The following CACNA2D4 variants were observed in gnomAD, a reference collection of about 807,000 sequenced individuals.
CACNA2D4 encodes the protein calcium voltage-gated channel auxiliary subunit alpha2delta 4, also known as voltage-dependent calcium channel subunit alpha-2/delta-4.
Under a neutral mutation model 163.8 loss-of-function variants are expected in CACNA2D4, and 157 were observed. The observed-to-expected ratio is 0.96, with a 90% CI of 0.84 to 1.09. The LOEUF (loss-of-function observed/expected upper bound fraction) is 1.09. Among genes scored for constraint, CACNA2D4 ranks in the 50% least tolerant of loss-of-function variants. The pLI is 0.00. For missense variants in CACNA2D4, 1,410 were observed against 1,479.9 expected (o/e 0.95, Z 0.78); for synonymous variants, 598 against 586.9 (o/e 1.02, Z -0.27).
intron 1 of CACNA2D4, among the ~76,000 whole-genome samples, chr12:1,915,546 G>T (rs1411349623): frequency 6.6e-6 from 1 of 152,210 alleles, no homozygotes; most frequent in Non-Finnish European, 1.5e-5. Context: ...GGGGGCTGCC[G>T]AACCCTCTGT....
rs550500242 is a variant in CACNA2D4, at chr12:1,862,705, G to A, written c.1879-2499C>T. Among the ~76,000 whole-genome samples, 10 of 152,310 alleles carry A rather than the reference G, an allele frequency of 6.6e-5. No homozygotes were observed. In the East Asian group the frequency reaches 1.9e-3, roughly 29 times the overall value. Reference sequence around the variant, plus strand: ...TGGGATTAGAGGGATGAGCCACCGTGCCCGGCTAAGTCTTGTAGTTTTGAT... The same window carrying A: ...TGGGATTAGAGGGATGAGCCACCGTACCCGGCTAAGTCTTGTAGTTTTGAT... On this transcript the variant is annotated intron_variant, in intron 18 of 37. Transcript: ENST00000382722.
chr12:1,917,010 A>G lies in CACNA2D4; in HGVS notation c.227+1237T>C, dbSNP rs1420602677. ...CCACTCCTGGAGTTGGCCCTCTCCT[A>G]TCAGCTGGTGTGTGTTCTGGGGATG... On this transcript the variant is annotated intron_variant, in intron 1 of 37. Coordinates refer to ENST00000382722, the MANE Select transcript of CACNA2D4 (RefSeq NM_172364.5). This position sits in a 1 kb window ranked among gnomAD's most constrained non-coding sequence, Gnocchi z 4.3. Among the ~76,000 whole-genome samples the G allele has an allele frequency of 6.6e-6, 1 of 152,168 alleles. No individual in the cohort carries two copies. The highest frequency in any genetic ancestry group is 1.5e-5 in the Non-Finnish European group (1 of 68,020).
intron 6 of CACNA2D4, among the ~76,000 whole-genome samples, chr12:1,898,123 T>C (rs1866447627): frequency 6.6e-6 from 1 of 152,190 alleles, no homozygotes; most frequent in South Asian, 2.1e-4. Context: ...ATAACTGAAA[T>C]ATGGAAGAAA....
chr12:1,804,473 C>G (rs989177834), intron 29 of CACNA2D4, among the ~76,000 whole-genome samples: 1 of 152,174 alleles, frequency 6.6e-6, no homozygotes, highest in African/African-American at 2.4e-5. Flanking sequence ...TCCCTGAGAG[C>G]AAGGATGTGT....
At chr12:1,861,722 C>T (rs1022407234) in intron 18 of CACNA2D4, among the ~76,000 whole-genome samples, 4 of 151,932 alleles carry the variant, frequency 2.6e-5, no homozygotes, top group Admixed American at 1.3e-4. Flanking sequence ...GGATTACAGG[C>T]GTGAGCCACC....
At chr12:1,805,843 C>T (rs1435758884) in intron 29 of CACNA2D4, among the ~76,000 whole-genome samples, 4 of 152,264 alleles carry the variant, frequency 2.6e-5, no homozygotes, top group African/African-American at 4.8e-5. Context: ...GATGGCAACA[C>T]GTGCCAGGCT....
Position 1,908,019 on chromosome 12 carries a change from C to T in CACNA2D4, c.505G>A (p.Val169Ile), listed in dbSNP as rs1426861326. 1 of 1,613,468 alleles carries T rather than the reference C, an allele frequency of 6.2e-7. No homozygotes were observed. The highest frequency in any genetic ancestry group is 8.5e-7 in the Non-Finnish European group (1 of 1,179,624). ...TTCTCGTCCCTCTCGTTGATCAGGA[C>T]CGAGTTGTAATAGTCGAACTGGGGT... ...ESLVFDYYNS[V>I]LINERDEKGN... The change falls in exon 5 of 38, where the codon GTC (valine) becomes ATC (isoleucine). Residue 169 changes from valine (V) to isoleucine (I), a missense_variant. Coordinates refer to ENST00000382722, the MANE Select transcript of CACNA2D4 (RefSeq NM_172364.5).
At chr12:1,860,917 G>A (rs770786948) in intron 18 of CACNA2D4, among the ~76,000 whole-genome samples, 1 of 152,188 alleles carries the variant, frequency 6.6e-6, no homozygotes, top group East Asian at 1.9e-4. Flanking sequence ...AGCCACTTTC[G>A]ACCTGTGTGC....
intron 13 of CACNA2D4, among the ~76,000 whole-genome samples, chr12:1,880,353 C>A (rs1207322237): frequency 6.6e-6 from 1 of 152,256 alleles, no homozygotes; most frequent in Non-Finnish European, 1.5e-5. Context: ...CAAGCACACC[C>A]CGAGGCACTG....
At chr12:1,910,030 T>G in intron 3 of CACNA2D4, 65 bp from the exon 4 acceptor site, 4 of 1,367,436 alleles carry the variant, frequency 2.9e-6, no homozygotes, top group Non-Finnish European at 4.2e-6. Flanking sequence ...TTTCAGCAAG[T>G]GAAACAGTTG....
chr12:1,830,976 C>T, intron 26 of CACNA2D4: 1 of 1,613,330 alleles, frequency 6.2e-7, no homozygotes, highest in South Asian at 1.1e-5. Context: ...GGAGGCCCTC[C>T]CCACCTGCCC....
intron 26 of CACNA2D4, among the ~76,000 whole-genome samples, chr12:1,815,330 C>T (rs1412158300): frequency 6.9e-6 from 1 of 144,334 alleles, no homozygotes. Flanking sequence ...ACCAGCTGTT[C>T]TCTCCTCCTG....
rs1266157325 is a variant in CACNA2D4, at chr12:1,875,663, C to T, written c.1720-326G>A. Among the ~76,000 whole-genome samples the T allele has an allele frequency of 2.0e-5, 3 of 152,162 alleles. No individual in the cohort carries two copies. The highest frequency in any genetic ancestry group is 2.9e-5 in the Non-Finnish European group (2 of 68,032). On this transcript the variant is annotated intron_variant, in intron 16 of 37. Coordinates refer to ENST00000382722, the MANE Select transcript of CACNA2D4 (RefSeq NM_172364.5). This position sits in a 1 kb window ranked among gnomAD's most constrained non-coding sequence, Gnocchi z 4.0. ...CCTCACACAAAGCTGAAATCCATCTCCCTGTTACTTCCATCCACTGATCTT... is the reference window on the plus strand; with the variant it reads ...CCTCACACAAAGCTGAAATCCATCTTCCTGTTACTTCCATCCACTGATCTT...
intron 6 of CACNA2D4, among the ~76,000 whole-genome samples, chr12:1,890,772 A>G (rs911086745): frequency 6.6e-6 from 1 of 152,122 alleles, no homozygotes; most frequent in Non-Finnish European, 1.5e-5. Context: ...CCCCCCATCC[A>G]GTGCCAGTAT....
intron 35 of CACNA2D4, among the ~76,000 whole-genome samples, chr12:1,796,999 TC>T (rs546295167): frequency 6.6e-6 from 1 of 152,274 alleles, no homozygotes; most frequent in South Asian, 2.1e-4. Flanking sequence ...CCCTCTGCCT[TC>T]CAAGTTCTCC....
intron 18 of CACNA2D4, among the ~76,000 whole-genome samples, chr12:1,863,620 G>C (rs1260104725): frequency 6.6e-6 from 1 of 152,172 alleles, no homozygotes; most frequent in Non-Finnish European, 1.5e-5. Flanking sequence ...AGTTTTCAGT[G>C]TAGAGGTCAT....
rs185866116 is a variant in CACNA2D4, at chr12:1,815,264, C to T, written c.2552-3541G>A. Among the ~76,000 whole-genome samples the T allele has an allele frequency of 3.6e-3, 522 of 143,144 alleles. 35 individuals are homozygous for T. Among genetic ancestry groups the T allele is most frequent in the African/African-American group, 0.015 (496 of 32,980 alleles). 93.9% of individuals were successfully genotyped at this position (143,144 alleles called of 152,430 possible). On this transcript the variant is annotated intron_variant, in intron 26 of 37. Transcript: ENST00000382722. Reference sequence around the variant, plus strand: ...CTCTGCTGATTTCTCTGATTTCATCCAGAAACACTTCACCTCTCAAACATG... The same window carrying T: ...CTCTGCTGATTTCTCTGATTTCATCTAGAAACACTTCACCTCTCAAACATG...
At chr12:1,915,162 G>A (rs774294018) in intron 1 of CACNA2D4, 1 of 702,784 alleles carries the variant, frequency 1.4e-6, no homozygotes, top group African/African-American at 1.7e-5. Flanking sequence ...ACACACACGT[G>A]ACATATGCCC....
intron 20 of CACNA2D4, 38 bp from the exon 21 acceptor site, chr12:1,856,267 A>G (rs1260579582): frequency 1.9e-6 from 3 of 1,610,772 alleles, no homozygotes; most frequent in South Asian, 2.2e-5. Context: ...ATGCTCCCTC[A>G]CTGCCATGAG....
Sources: gnomAD v4.1 joint callset for allele counts (sites outside exome capture counted in the v4.1 genomes callset) on GRCh38, gnomAD v4.1.1 for gene constraint, Gnocchi (gnomAD v3.1) non-coding constraint, MANE v1.5 for transcripts, NCBI Gene and HGNC (gene_info 2026-07-23, HGNC 2026-07-21) for gene names.